FBN1: variants seen among roughly 807,000 people sequenced by gnomAD.
FBN1 encodes fibrillin 1, also known as fibrillin-1.
A neutral mutation model predicts 365.1 loss-of-function variants in FBN1; 29 were observed. The ratio of observed to expected loss-of-function variants is 0.08; its 90% confidence interval spans 0.06 to 0.11. FBN1 has a LOEUF of 0.11. FBN1 is among the 10% of genes least tolerant of loss of function. FBN1 has a pLI of 1.00. For missense variants in FBN1, 2,476 were observed against 3,703.2 expected (o/e 0.67, Z 8.60); for synonymous variants, 1,210 against 1,270.5 (o/e 0.95, Z 1.01).
chr15:48,435,254 T>A (rs2043056794), intron 53 of FBN1, among the ~76,000 whole-genome samples: 1 of 152,012 alleles, frequency 6.6e-6, no homozygotes, highest in Non-Finnish European at 1.5e-5. Flanking sequence ...ACAGTGCTCT[T>A]CTCCATGAGT....
intron 2 of FBN1, chr15:48,644,185 T>A (rs1390037909): frequency 5.4e-6 from 1 of 186,422 alleles, no homozygotes; most frequent in African/African-American, 2.3e-5. Context: ...GTCATGGGAA[T>A]CCCTTCCTTT....
chr15:48,551,775 G>A (rs1055763602), intron 6 of FBN1, among the ~76,000 whole-genome samples: 5 of 152,090 alleles, frequency 3.3e-5, no homozygotes, highest in African/African-American at 7.2e-5. Flanking sequence ...GTAGTATTTG[G>A]TTTCTGTTGC....
At chr15:48,535,162 C>T (rs530550811) in intron 7 of FBN1, among the ~76,000 whole-genome samples, 15 of 152,308 alleles carry the variant, frequency 9.8e-5, no homozygotes, top group African/African-American at 2.6e-4. Flanking sequence ...ACTTTAGCCA[C>T]GAGCCCTTCC....
At chr15:48,509,579 C>CAT (rs1335044467) in intron 14 of FBN1, among the ~76,000 whole-genome samples, 1 of 147,758 alleles carries the variant, frequency 6.8e-6, no homozygotes, top group African/African-American at 2.5e-5. Flanking sequence ...TATATATACA[C>CAT]ATATTACATA....
intron 27 of FBN1, 21 bp from the exon 28 acceptor site, chr15:48,487,458 T>C (rs2043518864): frequency 1.9e-6 from 3 of 1,612,702 alleles, no homozygotes; most frequent in African/African-American, 2.7e-5. Flanking sequence ...GAAATGACCA[T>C]GTTAAAGGTG....
chr15:48,495,066 C>T, intron 22 of FBN1, 57 bp downstream of exon 22: 1 of 1,609,446 alleles, frequency 6.2e-7, no homozygotes, highest in Non-Finnish European at 8.5e-7. Context: ...TAGGCTTCCC[C>T]TTTTTATGCA....
At chr15:48,616,225 C>T (rs1482807010) in intron 2 of FBN1, among the ~76,000 whole-genome samples, 1 of 152,128 alleles carries the variant, frequency 6.6e-6, no homozygotes, top group Non-Finnish European at 1.5e-5. Context: ...AGTTTTAAAA[C>T]TTTATCATTA....
chr15:48,505,167 T>C lies in FBN1; in HGVS notation c.1838-20A>G. On this transcript the variant is annotated intron_variant, in intron 15 of 65. Transcript: ENST00000316623. ...TAATGTCTGTGGCAGAGAAAGGCAC[T>C]TATTAAAAATGAAGTGACATTTATC... The C allele has an allele frequency of 6.2e-7, 1 of 1,614,026 alleles. No homozygotes were observed. The highest frequency in any genetic ancestry group is 1.1e-5 in the South Asian group (1 of 91,090).
At chr15:48,462,886 A>G (rs1043910001) in intron 42 of FBN1, among the ~76,000 whole-genome samples, 196 bp downstream of exon 42, 2 of 152,216 alleles carry the variant, frequency 1.3e-5, no homozygotes, top group African/African-American at 4.8e-5. Context: ...TAGGGTATAC[A>G]TTAGAAAACA....
chr15:48,439,823 A>G (rs1216688836), intron 50 of FBN1, among the ~76,000 whole-genome samples: 2 of 152,142 alleles, frequency 1.3e-5, no homozygotes, highest in African/African-American at 4.8e-5. Flanking sequence ...TAAGTGGCAA[A>G]TTCTCTTCGT....
At chr15:48,570,383 T>C (rs1205603980) in intron 6 of FBN1, among the ~76,000 whole-genome samples, 3 of 151,618 alleles carry the variant, frequency 2.0e-5, no homozygotes, top group Non-Finnish European at 4.4e-5. Context: ...CATGAAGAGA[T>C]CAATAAAAGG....
chr15:48,472,738 T>A (rs1394227390), intron 34 of FBN1, 62 bp from the exon 35 acceptor site: 2 of 1,612,008 alleles, frequency 1.2e-6, no homozygotes, highest in East Asian at 4.5e-5. Flanking sequence ...ATTCCTCAGG[T>A]CTATCAACTT....
At chr15:48,463,810 A>G (rs1413346890) in intron 41 of FBN1, 89 bp downstream of exon 41, 2 of 1,333,108 alleles carry the variant, frequency 1.5e-6, no homozygotes, top group Non-Finnish European at 2.1e-6. Flanking sequence ...CTGATGAGTA[A>G]CATCACCCTA....
intron 62 of FBN1, 141 bp from the exon 63 acceptor site, chr15:48,420,947 T>C (rs2042936751): frequency 1.1e-6 from 1 of 922,636 alleles, no homozygotes; most frequent in African/African-American, 1.6e-5. Context: ...CTTCTGGAAC[T>C]GCTGCTAAGT....
chr15:48,514,808 C>A (rs935029905), intron 12 of FBN1, among the ~76,000 whole-genome samples: 2 of 152,110 alleles, frequency 1.3e-5, no homozygotes, highest in African/African-American at 4.8e-5. Flanking sequence ...GTATCTTTTA[C>A]AATGAAAGTT....
chr15:48,492,918 A>G (rs1326894118), intron 23 of FBN1, among the ~76,000 whole-genome samples: 1 of 152,190 alleles, frequency 6.6e-6, no homozygotes, highest in African/African-American at 2.4e-5. Context: ...GCTTTATGAG[A>G]CCAGATGTCT....
intron 2 of FBN1, among the ~76,000 whole-genome samples, chr15:48,616,392 C>T (rs902704747): frequency 6.6e-6 from 1 of 152,218 alleles, no homozygotes; most frequent in African/African-American, 2.4e-5. Context: ...TTCTCCTCTG[C>T]TGCTTTTGGT....
chr15:48,563,853 C>A (rs1026905525), intron 6 of FBN1, among the ~76,000 whole-genome samples: 5 of 152,136 alleles, frequency 3.3e-5, no homozygotes, highest in African/African-American at 4.8e-5. Context: ...GAATCCAGAA[C>A]AATTTTAAAA....
At chr15:48,499,453 T>A (rs1438311720) in intron 17 of FBN1, among the ~76,000 whole-genome samples, 1 of 152,214 alleles carries the variant, frequency 6.6e-6, no homozygotes, top group Non-Finnish European at 1.5e-5. Context: ...TCAGTACAAT[T>A]GGTTCTTAAC....
Sources: allele counts gnomAD v4.1 joint callset (sites outside exome capture counted in the v4.1 genomes callset), GRCh38; gene constraint gnomAD v4.1.1; transcripts MANE v1.5; gene names NCBI Gene and HGNC (gene_info 2026-07-23, HGNC 2026-07-21).